HS2ST1: variants seen among roughly 807,000 people sequenced by gnomAD.
The protein encoded by HS2ST1 is 2-O-sulfotransferase.
In HS2ST1, 18 loss-of-function variants were observed where a neutral mutation model predicts 42.9. That is an observed-to-expected ratio of 0.42 (90% CI 0.29 to 0.62). The LOEUF (loss-of-function observed/expected upper bound fraction) is 0.62, where lower values mean the gene tolerates loss of function less well. HS2ST1 is among the 20% of genes least tolerant of loss of function. HS2ST1 has a pLI of 0.21. For synonymous variants in HS2ST1, 146 were observed against 152.9 expected (o/e 0.95, Z 0.33); for missense variants, 334 against 433.8 (o/e 0.77, Z 2.04).
chr1:87,014,394 G>A (rs1305609885), intron 1 of HS2ST1, among the ~76,000 whole-genome samples: 2 of 152,144 alleles, frequency 1.3e-5, no homozygotes, highest in Non-Finnish European at 2.9e-5. Flanking sequence ...AGAACAGCAT[G>A]GGAAAGACCT....
At chr1:86,940,592 G>A (rs1474425530) in intron 1 of HS2ST1, among the ~76,000 whole-genome samples, 2 of 152,178 alleles carry the variant, frequency 1.3e-5, no homozygotes, top group African/African-American at 4.8e-5. Flanking sequence ...AATAATTTAT[G>A]TCACCTGAAG....
intron 1 of HS2ST1, among the ~76,000 whole-genome samples, chr1:86,973,440 A>G (rs189333189): frequency 5.9e-5 from 9 of 152,130 alleles, no homozygotes; most frequent in Admixed American, 2.6e-4. Flanking sequence ...CATTAGACAG[A>G]TCTGATTTCA....
At chr1:86,938,857 C>A (rs543199015) in intron 1 of HS2ST1, among the ~76,000 whole-genome samples, 1 of 152,148 alleles carries the variant, frequency 6.6e-6, no homozygotes, top group Non-Finnish European at 1.5e-5. Flanking sequence ...GAACAGTATA[C>A]ATTCAAACTG....
chr1:86,924,592 T>C (rs1349543247), intron 1 of HS2ST1, among the ~76,000 whole-genome samples: 2 of 152,144 alleles, frequency 1.3e-5, no homozygotes, highest in Non-Finnish European at 2.9e-5. Context: ...TTGACTTCTG[T>C]GCACTCGCAG....
chr1:87,092,294 A>G (rs1449166599), intron 3 of HS2ST1, among the ~76,000 whole-genome samples: 4 of 151,992 alleles, frequency 2.6e-5, no homozygotes, highest in Non-Finnish European at 2.9e-5. Context: ...ATTCATTTTT[A>G]TCTCCTTTAT....
chr1:87,001,975 CGATCTCGGCTCACT>C (rs143858941), intron 1 of HS2ST1, among the ~76,000 whole-genome samples: 3,547 of 150,202 alleles, frequency 0.024, 73 homozygotes, highest in African/African-American at 0.05. Context: ...TGCAGTGGCG[CGATCTCGGCTCACT>C]GCAAGATCCG....
At chr1:87,096,353 A>C (rs1310088604) in intron 4 of HS2ST1, among the ~76,000 whole-genome samples, 3 of 152,220 alleles carry the variant, frequency 2.0e-5, no homozygotes, top group Non-Finnish European at 4.4e-5. Context: ...CATTTGGAAC[A>C]TACTGGTTCA....
intron 1 of HS2ST1, among the ~76,000 whole-genome samples, chr1:86,953,278 C>G (rs773418384): frequency 6.6e-6 from 1 of 152,208 alleles, no homozygotes; most frequent in African/African-American, 2.4e-5. Context: ...CCAGTTTGAT[C>G]TATCAAGGTC....
chr1:87,022,207 C>A (rs75505989), intron 1 of HS2ST1, among the ~76,000 whole-genome samples: 3,655 of 152,184 alleles, frequency 0.024, 47 homozygotes, highest in South Asian at 0.053. Flanking sequence ...TTTTTCATTA[C>A]ATTAAAAAAT....
At chr1:87,070,834 AT>A (rs1651384835) in intron 1 of HS2ST1, among the ~76,000 whole-genome samples, 1 of 152,076 alleles carries the variant, frequency 6.6e-6, no homozygotes, top group Admixed American at 6.6e-5. Flanking sequence ...CCTTTTAAAT[AT>A]TGGTATCATC....
At chr1:87,048,931 A>G (rs1018241987) in intron 1 of HS2ST1, among the ~76,000 whole-genome samples, 8 of 152,118 alleles carry the variant, frequency 5.3e-5, no homozygotes, top group Non-Finnish European at 1.0e-4. Flanking sequence ...TCAGAGACTC[A>G]ACTGGAAAGC....
chr1:86,967,056 C>A (rs1290189939), intron 1 of HS2ST1, among the ~76,000 whole-genome samples: 1 of 151,848 alleles, frequency 6.6e-6, no homozygotes, highest in African/African-American at 2.4e-5. Flanking sequence ...CATGCCCAGC[C>A]GGTTTTGCAT....
chr1:87,080,051 A>G (rs1208645743), intron 2 of HS2ST1, among the ~76,000 whole-genome samples: 1 of 152,094 alleles, frequency 6.6e-6, no homozygotes, highest in East Asian at 1.9e-4. Context: ...TTCTGTCTCA[A>G]GAAAGAAAAA....
At chr1:87,043,611 T>C (rs1464718193) in intron 1 of HS2ST1, among the ~76,000 whole-genome samples, 2 of 152,100 alleles carry the variant, frequency 1.3e-5, no homozygotes, top group East Asian at 3.8e-4. Context: ...TCCTGTCTTA[T>C]ATTCTATGTA....
chr1:87,094,184 C>T (rs1349355281), intron 4 of HS2ST1, among the ~76,000 whole-genome samples: 1 of 151,948 alleles, frequency 6.6e-6, no homozygotes, highest in Non-Finnish European at 1.5e-5. Flanking sequence ...ATCTGTCTCC[C>T]TCCTTTGACC....
chr1:86,924,409 G>A (rs1660368301), intron 1 of HS2ST1, among the ~76,000 whole-genome samples: 1 of 152,216 alleles, frequency 6.6e-6, no homozygotes, highest in Admixed American at 6.5e-5. Context: ...GCGCCACTAG[G>A]TGGTGCCCCA....
intron 1 of HS2ST1, among the ~76,000 whole-genome samples, chr1:87,053,956 C>G (rs1376638371): frequency 1.3e-5 from 2 of 151,872 alleles, no homozygotes; most frequent in Non-Finnish European, 2.9e-5. Context: ...CTCATTTACT[C>G]CTTTTACATC....
chr1:87,031,475 A>G (rs767748939), intron 1 of HS2ST1, among the ~76,000 whole-genome samples: 7 of 152,208 alleles, frequency 4.6e-5, no homozygotes, highest in Non-Finnish European at 7.3e-5. Context: ...ACTGGCTGCC[A>G]ATATACCAAC....
intron 1 of HS2ST1, among the ~76,000 whole-genome samples, chr1:86,987,068 GTTT>G (rs11423322): frequency 8.5e-6 from 1 of 117,252 alleles, no homozygotes; most frequent in African/African-American, 3.3e-5. Flanking sequence ...TGATAGCCAG[GTTT>G]TTTTTTTTTT....
Sources: allele counts gnomAD v4.1 joint callset (sites outside exome capture counted in the v4.1 genomes callset), GRCh38; gene constraint gnomAD v4.1.1; transcripts MANE v1.5; gene names NCBI Gene and HGNC (gene_info 2026-07-23, HGNC 2026-07-21).